Variants in RHEX observed in about 807,000 individuals in gnomAD.
RHEX encodes regulator of hemoglobinization and erythroid cell expansion protein.
A neutral mutation model predicts 20.1 loss-of-function variants in RHEX; 18 were observed. The observed-to-expected ratio is 0.90, with a 90% confidence interval of 0.62 to 1.33. RHEX has a LOEUF of 1.33. Among genes scored for constraint, RHEX ranks in the 40% most tolerant of loss-of-function variants. The pLI is 0.00. For synonymous variants in RHEX, 87 were observed against 77.1 expected, an observed-to-expected ratio of 1.13 and a Z score of -0.67; for missense variants, 192 against 214.3, an observed-to-expected ratio of 0.90 and a Z score of 0.65.
At chr1:206,094,283 A>G (rs1663022828) in intron 1 of RHEX, among the ~76,000 whole-genome samples, 1 of 152,040 alleles carries the variant, frequency 6.6e-6, no homozygotes, top group Non-Finnish European at 1.5e-5. Context: ...CAACCTGCTC[A>G]TTGTGGTTAG....
intron 1 of RHEX, among the ~76,000 whole-genome samples, chr1:206,072,519 T>C (rs1285253584): frequency 2.2e-4 from 34 of 152,052 alleles, no homozygotes; most frequent in African/African-American, 8.2e-4. Context: ...GAGGTTGCAG[T>C]GAGCCGAGAT....
At chr1:206,100,213 A>G (rs940732047) in intron 4 of RHEX, among the ~76,000 whole-genome samples, 1 of 152,192 alleles carries the variant, frequency 6.6e-6, no homozygotes, top group Non-Finnish European at 1.5e-5. Context: ...TGGCTCCTCC[A>G]TAGTCCCTAG....
At chr1:206,101,007 C>T (rs1341030123) in intron 4 of RHEX, 129 bp from the exon 5 acceptor site, 7 of 642,312 alleles carry the variant, frequency 1.1e-5, no homozygotes, top group Non-Finnish European at 1.9e-5. Context: ...TCCCTACCCC[C>T]CCTTTTTGTT....
At position 206,098,417 on chromosome 1, in the gene RHEX, C is replaced by T. The variant is rs959715487; in HGVS notation, c.112+236C>T. ...CTGGCTGGAAGTGGCCATCCACATCCGTCTACTACCCAGACCTTCTGCCTA... is the reference window on the plus strand; with the variant it reads ...CTGGCTGGAAGTGGCCATCCACATCTGTCTACTACCCAGACCTTCTGCCTA... On this transcript the variant is annotated intron_variant, in intron 3 of 5. Coordinates refer to ENST00000331555, the MANE Select transcript of RHEX (RefSeq NM_001007544.4). 1.5e-4 allele frequency: 74 copies of T among 506,874 alleles called. No individual in the cohort carries two copies. In the Admixed American group the frequency reaches 1.8e-3, roughly 13 times the overall value. The allele number at this position is 506,874 out of a possible 1,614,324, so 31.4% of individuals were successfully genotyped here. A position where few individuals can be genotyped will look rare whatever the true frequency, so the allele number is the denominator to read the frequency against.
At chr1:206,054,930 A>G (rs1231630478) in intron 1 of RHEX, among the ~76,000 whole-genome samples, 2 of 152,282 alleles carry the variant, frequency 1.3e-5, no homozygotes, top group Non-Finnish European at 2.9e-5. Context: ...GACTTAAAAC[A>G]AACTTTGGCA....
At chr1:206,055,299 G>A (rs1398962935) in intron 1 of RHEX, among the ~76,000 whole-genome samples, 1 of 152,276 alleles carries the variant, frequency 6.6e-6, no homozygotes, top group Non-Finnish European at 1.5e-5. Flanking sequence ...GGGATGCAGT[G>A]AGCTTAAGAA....
intron 1 of RHEX, among the ~76,000 whole-genome samples, chr1:206,079,646 G>C (rs1408487401): frequency 6.6e-6 from 1 of 152,114 alleles, no homozygotes; most frequent in Non-Finnish European, 1.5e-5. Flanking sequence ...ACCTCTGCCT[G>C]CTAGGTTCAA....
chr1:206,083,147 C>A (rs1466527677), intron 1 of RHEX, among the ~76,000 whole-genome samples: 1 of 152,198 alleles, frequency 6.6e-6, no homozygotes, highest in Non-Finnish European at 1.5e-5. Context: ...AGTATCTTTG[C>A]TAATATCTAG....
At chr1:206,098,435 T>C in intron 3 of RHEX, 1 of 461,906 alleles carries the variant, frequency 2.2e-6, no homozygotes, top group Non-Finnish European at 3.9e-6. Flanking sequence ...ACCCAGACCT[T>C]CTGCCTAGAC....
At chr1:206,070,605 G>T (rs1553284541) in intron 1 of RHEX, among the ~76,000 whole-genome samples, 1 of 152,244 alleles carries the variant, frequency 6.6e-6, no homozygotes, top group East Asian at 1.9e-4. Context: ...CTGTACTGGG[G>T]AATAGGAGAA....
intron 1 of RHEX, among the ~76,000 whole-genome samples, chr1:206,057,131 T>C (rs903094967): frequency 6.6e-6 from 1 of 152,258 alleles, no homozygotes; most frequent in Non-Finnish European, 1.5e-5. Context: ...AGACTTTCTA[T>C]GATGAACTAA....
rs1663178344 is a variant in RHEX, at chr1:206,101,152, C to T, written c.273C>T (p.Pro91=). ...TCTCCCCAGATGACAGCGACACACCCTCAGATAGCTTGGATAGCTCCTGCA... is the reference window on the plus strand; with the variant it reads ...TCTCCCCAGATGACAGCGACACACCTTCAGATAGCTTGGATAGCTCCTGCA... The part of the protein sequence containing the change: ...DSLYRHDSDT[P]SDSLDSSCSS... The change falls in exon 5 of 6, where the codon CCC becomes CCT. Residue 91 remains proline (P), a synonymous_variant. Transcript: ENST00000331555. The T allele has an allele frequency of 3.1e-6, 5 of 1,613,006 alleles. No homozygotes were observed. The highest frequency in any genetic ancestry group is 1.1e-5 in the South Asian group (1 of 90,892).
At chr1:206,085,530 A>T (rs1422812785) in intron 1 of RHEX, among the ~76,000 whole-genome samples, 1 of 152,208 alleles carries the variant, frequency 6.6e-6, no homozygotes, top group Non-Finnish European at 1.5e-5. Context: ...TCTTGGAACT[A>T]AGTTGCATCC....
chr1:206,093,850 G>T (rs1421585299), intron 1 of RHEX, among the ~76,000 whole-genome samples: 1 of 151,658 alleles, frequency 6.6e-6, no homozygotes, highest in African/African-American at 2.4e-5. Flanking sequence ...GGTTTTTTTT[G>T]GTCGGGGGAG....
At chr1:206,072,854 C>T (rs1245242607) in intron 1 of RHEX, among the ~76,000 whole-genome samples, 1 of 127,490 alleles carries the variant, frequency 7.8e-6, no homozygotes, top group Non-Finnish European at 1.6e-5. Flanking sequence ...TTTTTTGAGA[C>T]AGGGTCTCGC....
intron 1 of RHEX, among the ~76,000 whole-genome samples, chr1:206,055,507 G>A (rs1202753616): frequency 1.3e-5 from 2 of 152,244 alleles, no homozygotes; most frequent in Admixed American, 6.5e-5. Context: ...ATCGTAAAGC[G>A]AGAGAAGCCC....
chr1:206,064,259 G>T, intron 1 of RHEX, among the ~76,000 whole-genome samples: 1 of 146,872 alleles, frequency 6.8e-6, no homozygotes, highest in South Asian at 2.2e-4. Flanking sequence ...CGGGAGGGAG[G>T]TGGGGGGGGT....
At chr1:206,062,528 G>A (rs75503227) in intron 1 of RHEX, among the ~76,000 whole-genome samples, 1 of 152,360 alleles carries the variant, frequency 6.6e-6, no homozygotes, top group African/African-American at 2.4e-5. Context: ...CCCCATGGGT[G>A]TCAACTTAGG....
intron 1 of RHEX, among the ~76,000 whole-genome samples, chr1:206,071,850 C>A (rs532730783): frequency 1.4e-5 from 2 of 145,304 alleles, no homozygotes; most frequent in South Asian, 2.2e-4. Context: ...CGCCCCCTGT[C>A]CAACAACTCA....
Sources: gnomAD v4.1 joint callset for allele counts (sites outside exome capture counted in the v4.1 genomes callset) on GRCh38, gnomAD v4.1.1 for gene constraint, MANE v1.5 for transcripts, NCBI Gene and HGNC (gene_info 2026-07-23, HGNC 2026-07-21) for gene names.